The following CDH18 variants were observed in gnomAD, a reference collection of about 807,000 sequenced individuals.
CDH18 encodes the protein cadherin 18.
In CDH18, 31 loss-of-function variants were observed where a neutral mutation model predicts 67.9. The observed-to-expected ratio is 0.46, with a 90% confidence interval of 0.34 to 0.62. CDH18 has a LOEUF of 0.62. Ranked by LOEUF, CDH18 falls within the 20% of genes least tolerant of loss-of-function variation. The pLI is 0.01. For missense variants in CDH18, 890 were observed against 975.5 expected (o/e 0.91, Z 1.17); for synonymous variants, 362 against 347.2 (o/e 1.04, Z -0.48).
At chr5:19,572,900 T>C (rs1000895111) in intron 7 of CDH18, among the ~76,000 whole-genome samples, 1 of 152,128 alleles carries the variant, frequency 6.6e-6, no homozygotes. Flanking sequence ...ATAATACTTA[T>C]AATAAGTTCC....
intron 1 of CDH18, among the ~76,000 whole-genome samples, chr5:20,451,565 G>A (rs992042848): frequency 5.9e-5 from 9 of 152,116 alleles, no homozygotes; most frequent in Non-Finnish European, 1.2e-4. Flanking sequence ...TATTAATCAA[G>A]AAATGTTTAA....
chr5:20,167,586 G>C lies in CDH18; in HGVS notation c.-518+87858C>G, dbSNP rs376094233. Among the ~76,000 whole-genome samples the C allele has an allele frequency of 5.8e-4, 88 of 152,246 alleles. No homozygotes were observed. The South Asian group carries it at 0.016, about 28-fold the overall frequency. ...GCATAGTAGGCAATGGCGTTAGTTTGGGTACGGTGGTAAATAGATGGTTCA... is the reference window on the plus strand; with the variant it reads ...GCATAGTAGGCAATGGCGTTAGTTTCGGTACGGTGGTAAATAGATGGTTCA... On this transcript the variant is annotated intron_variant, in intron 2 of 14. Coordinates refer to the CDH18 transcript ENST00000507958.
At chr5:20,360,646 T>C (rs1289933505) in intron 1 of CDH18, among the ~76,000 whole-genome samples, 2 of 152,202 alleles carry the variant, frequency 1.3e-5, no homozygotes, top group Admixed American at 6.6e-5. Context: ...TCACAATAGT[T>C]GGGTGTGTGT....
chr5:19,932,865 A>C (rs1330569281), intron 2 of CDH18, among the ~76,000 whole-genome samples: 2 of 151,462 alleles, frequency 1.3e-5, no homozygotes, highest in African/African-American at 2.4e-5. Flanking sequence ...ATAAAGTGCA[A>C]CTCTGTCTAC....
intron 1 of CDH18, among the ~76,000 whole-genome samples, chr5:20,462,435 G>A (rs1333857172): frequency 6.6e-6 from 1 of 152,094 alleles, no homozygotes; most frequent in Non-Finnish European, 1.5e-5. Context: ...TGATAGCTGA[G>A]TGGGTGAATA....
chr5:20,242,607 A>ATATATAT (rs1185501168), intron 2 of CDH18, among the ~76,000 whole-genome samples: 4 of 88,268 alleles, frequency 4.5e-5, no homozygotes, highest in African/African-American at 2.5e-4. Context: ...AAAAAAAAAA[A>ATATATAT]AAAAATATAT....
At chr5:20,243,270 T>C (rs1175519208) in intron 2 of CDH18, among the ~76,000 whole-genome samples, 7 of 152,196 alleles carry the variant, frequency 4.6e-5, no homozygotes, top group African/African-American at 1.4e-4. Flanking sequence ...TGTTATAACT[T>C]TGTAAAGTTA....
chr5:19,714,022 G>C (rs922724891), intron 5 of CDH18, among the ~76,000 whole-genome samples: 1 of 152,112 alleles, frequency 6.6e-6, no homozygotes, highest in African/African-American at 2.4e-5. Flanking sequence ...AGTTAGTGCA[G>C]GGCATGCATC....
chr5:20,563,679 T>A (rs939627919), intron 1 of CDH18, among the ~76,000 whole-genome samples: 1 of 152,134 alleles, frequency 6.6e-6, no homozygotes, highest in African/African-American at 2.4e-5. Context: ...CAGGTACCCA[T>A]TCACAGGCTC....
chr5:20,343,314 A>G (rs1740423707), intron 1 of CDH18, among the ~76,000 whole-genome samples: 1 of 152,192 alleles, frequency 6.6e-6, no homozygotes, highest in African/African-American at 2.4e-5. Flanking sequence ...GAAAACTTAT[A>G]GGTTGAATGG....
At chr5:19,868,922 T>C (rs1561476510) in intron 2 of CDH18, among the ~76,000 whole-genome samples, 1 of 152,128 alleles carries the variant, frequency 6.6e-6, no homozygotes, top group Non-Finnish European at 1.5e-5. Flanking sequence ...TTATTTGATT[T>C]TTGAGCTTGA....
intron 7 of CDH18, among the ~76,000 whole-genome samples, chr5:19,579,514 T>C (rs1271527571): frequency 2.0e-5 from 3 of 151,864 alleles, no homozygotes; most frequent in Non-Finnish European, 4.4e-5. Flanking sequence ...AATATTGTGT[T>C]ATCACCATAC....
intron 2 of CDH18, among the ~76,000 whole-genome samples, chr5:19,901,754 T>C (rs1789961898): frequency 6.6e-6 from 1 of 151,976 alleles, no homozygotes; most frequent in Non-Finnish European, 1.5e-5. Flanking sequence ...TATTTATATT[T>C]TCCATATTAT....
chr5:19,688,502 C>T lies in CDH18; in HGVS notation c.643+32845G>A, dbSNP rs145253922. Among the ~76,000 whole-genome samples the T allele has an allele frequency of 1.4e-3, 214 of 152,060 alleles. 1 individual carries two copies. Among genetic ancestry groups the T allele is most frequent in the African/African-American group, 4.9e-3 (202 of 41,480 alleles). On this transcript the variant is annotated intron_variant, in intron 5 of 12. Coordinates refer to ENST00000382275, the MANE Select transcript of CDH18 (RefSeq NM_004934.5). ...GCACCCATAATCAAATTTAAAGTGC[C>T]CTGCTCAGCCAACAGCATAAATACA...
intron 2 of CDH18, among the ~76,000 whole-genome samples, chr5:19,847,186 G>A (rs374069809): frequency 6.6e-6 from 1 of 152,002 alleles, no homozygotes; most frequent in Non-Finnish European, 1.5e-5. Context: ...TGTTTTGGAA[G>A]TTTTCTGCCA....
At chr5:19,502,949 G>A in intron 11 of CDH18, 43 bp downstream of exon 11, 2 of 1,107,666 alleles carry the variant, frequency 1.8e-6, no homozygotes, top group East Asian at 2.4e-5. Flanking sequence ...TAAGGTCAAA[G>A]CAGATACCAC....
Position 20,420,585 on chromosome 5 carries a change from A to G in CDH18, c.-580+154877T>C, listed in dbSNP as rs1311086657. Among the ~76,000 whole-genome samples the G allele has an allele frequency of 2.0e-5, 3 of 151,190 alleles. No homozygotes were observed. The East Asian group carries it at 5.8e-4, about 29-fold the overall frequency. ...CTAAGTTACAACAGTTCCCCAGTAAACATATATTACTTGCCTGGCAGTAAT... is the reference window on the plus strand; with the variant it reads ...CTAAGTTACAACAGTTCCCCAGTAAGCATATATTACTTGCCTGGCAGTAAT... On this transcript the variant is annotated intron_variant, in intron 1 of 14. Coordinates refer to the CDH18 transcript ENST00000507958.
intron 2 of CDH18, among the ~76,000 whole-genome samples, chr5:19,993,660 T>C (rs1351370594): frequency 6.6e-6 from 1 of 152,028 alleles, no homozygotes; most frequent in Admixed American, 6.6e-5. Flanking sequence ...ATAGATATTA[T>C]ACATAGATAT....
intron 1 of CDH18, among the ~76,000 whole-genome samples, chr5:20,490,359 T>A (rs992438547): frequency 6.6e-6 from 1 of 152,076 alleles, no homozygotes; most frequent in African/African-American, 2.4e-5. Context: ...ACTTTCTAGA[T>A]AATAGAATGA....
Sources: gnomAD v4.1 joint callset for allele counts (sites outside exome capture counted in the v4.1 genomes callset) on GRCh38, gnomAD v4.1.1 for gene constraint, MANE v1.5 for transcripts, NCBI Gene and HGNC (gene_info 2026-07-23, HGNC 2026-07-21) for gene names.